The following ZFAT variants were observed in gnomAD, a reference collection of about 807,000 sequenced individuals.
ZFAT encodes the protein zinc finger protein ZFAT.
Under a neutral mutation model 117.7 loss-of-function variants are expected in ZFAT, and 64 were observed. The ratio of observed to expected loss-of-function variants is 0.54; its 90% CI spans 0.44 to 0.67. The LOEUF is 0.67. Ranked by LOEUF, ZFAT falls within the 30% of genes least tolerant of loss-of-function variation. ZFAT has a pLI of 0.00. For synonymous variants in ZFAT, 679 were observed against 615.0 expected (o/e 1.10, Z -1.54); for missense variants, 1,433 against 1,584.5 (o/e 0.90, Z 1.62).
At chr8:134,569,421 G>A (rs1443360736) in intron 10 of ZFAT, among the ~76,000 whole-genome samples, 1 of 152,166 alleles carries the variant, frequency 6.6e-6, no homozygotes, top group Admixed American at 6.5e-5. Context: ...TTCCGAAATG[G>A]AAGGAGGAAT....
chr8:134,777,481 A>G, the ZFAT span, among the ~76,000 whole-genome samples: 1 of 152,224 alleles, frequency 6.6e-6, no homozygotes, highest in Non-Finnish European at 1.5e-5. Context: ...GGATGGGAAC[A>G]TTGCCTAACC....
At chr8:134,479,749 G>C (rs1198898487) in intron 15 of ZFAT, among the ~76,000 whole-genome samples, 2 of 152,110 alleles carry the variant, frequency 1.3e-5, no homozygotes, top group African/African-American at 4.8e-5. Flanking sequence ...CACTGACCGG[G>C]CTTTGAGCAT....
At chr8:134,817,437 A>ACAAC in the ZFAT span, among the ~76,000 whole-genome samples, 2 of 83,946 alleles carry the variant, frequency 2.4e-5, no homozygotes, top group Non-Finnish European at 5.2e-5. Context: ...ACACACACAC[A>ACAAC]ACGCACCCTT....
chr8:134,750,225 A>C, the ZFAT span, among the ~76,000 whole-genome samples: 1,338 of 152,276 alleles, frequency 8.8e-3, 22 homozygotes, highest in African/African-American at 0.03. Context: ...CTAAGTAATT[A>C]ATGCTTTTTA....
chr8:134,821,654 G>A, the ZFAT span, among the ~76,000 whole-genome samples: 1 of 151,998 alleles, frequency 6.6e-6, no homozygotes, highest in Non-Finnish European at 1.5e-5. Context: ...AGAATAAGAA[G>A]TTTCACATAC....
the ZFAT span, among the ~76,000 whole-genome samples, chr8:134,741,209 C>T: frequency 1.3e-5 from 2 of 152,190 alleles, no homozygotes; most frequent in Non-Finnish European, 2.9e-5. Flanking sequence ...CCCCATCTCG[C>T]CCCCACCCCT....
chr8:134,510,678 A>G (rs6578007), intron 14 of ZFAT: 17,531 of 155,234 alleles, frequency 0.11, 1,260 homozygotes, highest in Admixed American at 0.22. Context: ...CCGAACATGC[A>G]AGGACGAAAA....
At chr8:134,569,243 C>T (rs1175672073) in intron 10 of ZFAT, among the ~76,000 whole-genome samples, 2 of 151,998 alleles carry the variant, frequency 1.3e-5, no homozygotes, top group Non-Finnish European at 2.9e-5. Flanking sequence ...TGAGTACTTG[C>T]CAGATCACGA....
the ZFAT span, among the ~76,000 whole-genome samples, chr8:134,753,117 C>T: frequency 6.6e-6 from 1 of 152,190 alleles, no homozygotes; most frequent in South Asian, 2.1e-4. Context: ...GGGAGGATCG[C>T]CTGAGTCCAG....
intron 1 of ZFAT, among the ~76,000 whole-genome samples, chr8:134,664,093 G>C (rs11780312): frequency 0.086 from 13,053 of 152,092 alleles, 746 homozygotes; most frequent in Admixed American, 0.12. Flanking sequence ...TCATGGAAGG[G>C]GCTCCCAGAC....
chr8:134,697,754 A>T (rs1399376515), intron 1 of ZFAT, among the ~76,000 whole-genome samples: 2 of 149,278 alleles, frequency 1.3e-5, no homozygotes, highest in Non-Finnish European at 3.0e-5. Flanking sequence ...AAACTAAAAA[A>T]AAAAAAGAAA....
intron 3 of ZFAT, among the ~76,000 whole-genome samples, chr8:134,629,002 C>A (rs1020268375): frequency 6.6e-5 from 10 of 152,160 alleles, no homozygotes; most frequent in Admixed American, 2.6e-4. Flanking sequence ...GTACACAGAG[C>A]ATGAATTGGG....
chr8:134,530,727 G>A (rs967698260), intron 12 of ZFAT, among the ~76,000 whole-genome samples: 2 of 151,904 alleles, frequency 1.3e-5, no homozygotes, highest in African/African-American at 4.8e-5. Flanking sequence ...TCAACCAACT[G>A]CAGATTGAAA....
intron 15 of ZFAT, among the ~76,000 whole-genome samples, chr8:134,499,210 G>A (rs1381760418): frequency 4.6e-5 from 6 of 129,880 alleles, no homozygotes; most frequent in East Asian, 2.3e-4. Context: ...GAGGGTTGGG[G>A]TGGAGCTGGG....
the ZFAT span, among the ~76,000 whole-genome samples, chr8:134,756,302 T>C: frequency 1.3e-5 from 2 of 152,220 alleles, no homozygotes; most frequent in African/African-American, 4.8e-5. Context: ...GATTCTCATT[T>C]GGTTTGACTT....
chr8:134,586,321 A>G (rs569964775), intron 9 of ZFAT, among the ~76,000 whole-genome samples: 40 of 152,256 alleles, frequency 2.6e-4, no homozygotes, highest in Non-Finnish European at 5.1e-4. Context: ...GCCATGTATT[A>G]AGTACCCAAT....
chr8:134,752,801 C>T, the ZFAT span, among the ~76,000 whole-genome samples: 46,923 of 151,858 alleles, frequency 0.31, 7,403 homozygotes, highest in South Asian at 0.34. Flanking sequence ...GCATGTCTTC[C>T]GGTGTTTCTT....
the ZFAT span, among the ~76,000 whole-genome samples, chr8:134,828,257 C>T: frequency 4.6e-5 from 7 of 152,148 alleles, no homozygotes; most frequent in African/African-American, 1.7e-4. Context: ...ATCAATGGCA[C>T]CATTCAAGCT....
At chr8:134,675,834 G>A (rs200911521) in intron 1 of ZFAT, among the ~76,000 whole-genome samples, 2 of 151,984 alleles carry the variant, frequency 1.3e-5, no homozygotes, top group Non-Finnish European at 2.9e-5. Flanking sequence ...TTTCATATCC[G>A]GCCAAACTAA....
Sources: gnomAD v4.1 joint callset for allele counts (sites outside exome capture counted in the v4.1 genomes callset) on GRCh38, gnomAD v4.1.1 for gene constraint, MANE v1.5 for transcripts, NCBI Gene and HGNC (gene_info 2026-07-23, HGNC 2026-07-21) for gene names.